Variants in SLC12A1 observed in about 807,000 individuals in gnomAD.
The protein encoded by SLC12A1 is solute carrier family 12 member 1, also known as Na-K-2Cl cotransporter.
A neutral mutation model predicts 130.4 loss-of-function variants in SLC12A1; 89 were observed. The ratio of observed to expected loss-of-function variants is 0.68; its 90% CI spans 0.58 to 0.81. SLC12A1 has a LOEUF of 0.81. Ranked by LOEUF, SLC12A1 falls within the 40% of genes least tolerant of loss-of-function variation. The pLI, the probability that SLC12A1 is intolerant of heterozygous loss-of-function variation, is 0.00. For missense variants in SLC12A1, 1,310 were observed against 1,336.4 expected, an observed-to-expected ratio of 0.98 and a Z score of 0.31; for synonymous variants, 499 against 460.0, an observed-to-expected ratio of 1.08 and a Z score of -1.09.
chr15:48,293,416 G>A (rs774324820), intron 24 of SLC12A1, among the ~76,000 whole-genome samples: 22 of 152,170 alleles, frequency 1.4e-4, no homozygotes, highest in Non-Finnish European at 2.6e-4. Flanking sequence ...TTGATTTCAT[G>A]TGGAGTGGGG....
chr15:48,285,083 G>T (rs916921195), intron 20 of SLC12A1, 23 bp from the exon 21 acceptor site: 1 of 1,534,630 alleles, frequency 6.5e-7, no homozygotes, highest in African/African-American at 1.4e-5. Flanking sequence ...AGTTAAGTAG[G>T]TGATTTTGTC....
intron 24 of SLC12A1, among the ~76,000 whole-genome samples, chr15:48,295,831 A>G (rs1018821382): frequency 2.6e-5 from 4 of 152,198 alleles, no homozygotes; most frequent in Non-Finnish European, 5.9e-5. Context: ...TAGTGATGCC[A>G]TATTACCTTA....
chr15:48,224,078 G>A (rs1484552), intron 4 of SLC12A1: 5,177 of 152,318 alleles, frequency 0.034, 312 homozygotes, highest in East Asian at 0.25. Context: ...ACAGCCTCTC[G>A]TGGCTGACTA....
chr15:48,285,295 C>T (rs762949844), intron 21 of SLC12A1, 46 bp downstream of exon 21: 2 of 1,583,670 alleles, frequency 1.3e-6, no homozygotes, highest in Non-Finnish European at 1.7e-6. Flanking sequence ...AGATGAGTCA[C>T]TATTTGAGCA....
intron 9 of SLC12A1, chr15:48,237,129 C>T: frequency 3.0e-6 from 2 of 658,026 alleles, no homozygotes; most frequent in Non-Finnish European, 5.5e-6. Flanking sequence ...CCTGTCCCCT[C>T]AAAAAGTAAA....
chr15:48,263,826 G>A (rs999929663), intron 17 of SLC12A1, among the ~76,000 whole-genome samples: 36 of 152,126 alleles, frequency 2.4e-4, no homozygotes, highest in African/African-American at 7.9e-4. Flanking sequence ...CCCAGTGTCC[G>A]GGACTACAGG....
At chr15:48,267,786 A>G in intron 18 of SLC12A1, 85 bp downstream of exon 18, 1 of 1,440,670 alleles carries the variant, frequency 6.9e-7, no homozygotes, top group Non-Finnish European at 9.6e-7. Context: ...GAACAGCTGT[A>G]GTTAGGCAGC....
At chr15:48,302,034 T>A (rs2042238351) in intron 26 of SLC12A1, among the ~76,000 whole-genome samples, 1 of 152,170 alleles carries the variant, frequency 6.6e-6, no homozygotes, top group South Asian at 2.1e-4. Context: ...TCAAAGACAT[T>A]GTAGAATGGT....
rs2040998684 is a variant in SLC12A1, at chr15:48,207,741, A to G, written c.22A>G (p.Asn8Asp). Reference sequence around the variant, plus strand: ...GAAGATGTCACTGAACAACTCTTCCAATGTATTTCTGGATTCAGTGCCCAG... The same window carrying G: ...GAAGATGTCACTGAACAACTCTTCCGATGTATTTCTGGATTCAGTGCCCAG... MSLNNSS[N>D]VFLDSVPSNT... is the part of the protein sequence containing the mutation. The change falls in exon 2 of 27, where the codon AAT becomes GAT. Residue 8 changes from asparagine (N) to aspartate (D), a missense_variant. Transcript: ENST00000380993. 6.3e-7 allele frequency: 1 copy of G among 1,587,986 alleles called. No homozygotes were observed. Among genetic ancestry groups the G allele is most frequent in the Non-Finnish European group, 8.6e-7 (1 of 1,167,204 alleles).
intron 5 of SLC12A1, chr15:48,227,069 G>A (rs1281789726): frequency 1.3e-6 from 2 of 1,546,274 alleles, no homozygotes. Context: ...TTTCTTGGGG[G>A]ATTTTGCAGG....
intron 14 of SLC12A1, 82 bp from the exon 15 acceptor site, chr15:48,251,533 G>T: frequency 9.2e-7 from 1 of 1,082,134 alleles, no homozygotes; most frequent in South Asian, 1.3e-5. Flanking sequence ...CAGGAAAAAG[G>T]CATGTTACCT....
intron 20 of SLC12A1, among the ~76,000 whole-genome samples, chr15:48,283,612 C>T (rs558559684): frequency 1.4e-4 from 22 of 152,332 alleles, no homozygotes; most frequent in East Asian, 9.6e-4. Flanking sequence ...ATAGCAGCAT[C>T]GTCTAGGGAT....
In SLC12A1 at chr15:48,303,831, T is replaced by G. The variant is rs781182671; in HGVS notation, c.*946T>G. Reference sequence around the variant, plus strand: ...TATATTTAGTTACTTTCTATAGTGATTGTATGGATTTAAAAGAATAATTAA... The same window carrying G: ...TATATTTAGTTACTTTCTATAGTGAGTGTATGGATTTAAAAGAATAATTAA... On this transcript the variant is annotated 3_prime_UTR_variant, in exon 27 of 27. Transcript: ENST00000380993. 4 of 152,214 alleles carry G rather than the reference T, an allele frequency of 2.6e-5. No individual in the cohort carries two copies. The highest frequency in any genetic ancestry group is 4.4e-5 in the Non-Finnish European group (3 of 68,032). 9.4% of individuals were successfully genotyped at this position (152,214 alleles called of 1,614,324 possible).
chr15:48,276,199 G>A (rs2041951558), intron 20 of SLC12A1, among the ~76,000 whole-genome samples: 2 of 152,172 alleles, frequency 1.3e-5, no homozygotes, highest in African/African-American at 4.8e-5. Flanking sequence ...GGTTTAATGA[G>A]GAGATGCCTG....
At chr15:48,246,231 G>C (rs2041578322) in intron 11 of SLC12A1, among the ~76,000 whole-genome samples, 1 of 152,070 alleles carries the variant, frequency 6.6e-6, no homozygotes, top group Non-Finnish European at 1.5e-5. Flanking sequence ...AAGAAGAAAG[G>C]TTAATGGCTG....
intron 23 of SLC12A1, among the ~76,000 whole-genome samples, chr15:48,290,484 G>A (rs1023455465): frequency 4.6e-5 from 7 of 152,190 alleles, no homozygotes; most frequent in African/African-American, 1.7e-4. Context: ...GTACGCAATT[G>A]TATGTGCTAT....
chr15:48,223,210 G>T (rs1347327196), intron 4 of SLC12A1: 2 of 152,286 alleles, frequency 1.3e-5, no homozygotes, highest in South Asian at 4.1e-4. Flanking sequence ...ATAGGCTGAG[G>T]GTAGCTTAGT....
chr15:48,275,281 G>A lies in SLC12A1; in HGVS notation c.2485+628G>A, dbSNP rs189929000. 3.3e-4 allele frequency among the ~76,000 whole-genome samples: 50 copies of A among 152,216 alleles called. 1 individual carries two copies. The highest frequency in any genetic ancestry group is 1.0e-3 in the African/African-American group (43 of 41,546). On this transcript the variant is annotated intron_variant, in intron 20 of 26. Coordinates refer to ENST00000380993, the MANE Select transcript of SLC12A1 (RefSeq NM_000338.3). ...CATGAATTCATGATTTCCCTCTTCC[G>A]CTGAGCTTCACGACAGAGTCCACTT... is the stretch of plus-strand genomic sequence containing the variant.
rs573754929 is a variant in SLC12A1, at chr15:48,232,856, G to A, written c.1087+18G>A. On this transcript the variant is annotated intron_variant, in intron 8 of 26. Transcript: ENST00000380993. ...TTACCAAGGTACATGGAATAAATTG[G>A]TTGCTTTTCATTAAATACTTCTCCA... The A allele has an allele frequency of 4.0e-6, 6 of 1,495,708 alleles. No individual in the cohort carries two copies. The South Asian group carries it at 4.5e-5, about 11-fold the overall frequency. The allele number at this position is 1,495,708 out of a possible 1,614,324, so 92.7% of individuals were successfully genotyped here. A position where few individuals can be genotyped will look rare whatever the true frequency, so the allele number is the denominator to read the frequency against.
Sources: gnomAD v4.1 joint callset for allele counts (sites outside exome capture counted in the v4.1 genomes callset) on GRCh38, gnomAD v4.1.1 for gene constraint, MANE v1.5 for transcripts, NCBI Gene and HGNC (gene_info 2026-07-23, HGNC 2026-07-21) for gene names.